BFSP2: variants seen among roughly 807,000 people sequenced by gnomAD.
BFSP2 encodes beaded filament structural protein 2, also known as phakinin.
In BFSP2, 38 loss-of-function variants were observed where a neutral mutation model predicts 44.9. That is an observed-to-expected ratio of 0.85 (90% CI 0.65 to 1.11). The LOEUF (loss-of-function observed/expected upper bound fraction) is 1.11. BFSP2 is among the 50% of genes least tolerant of loss of function. The pLI is 0.00. For missense variants in BFSP2, 525 were observed against 533.0 expected (o/e 0.99, Z 0.15); for synonymous variants, 197 against 209.9 (o/e 0.94, Z 0.53).
At chr3:133,422,010 G>A (rs1178708518) in intron 1 of BFSP2, among the ~76,000 whole-genome samples, 1 of 150,152 alleles carries the variant, frequency 6.7e-6, no homozygotes, top group East Asian at 1.9e-4. Context: ...GGGAGGCTGA[G>A]GCAGGAAAAT....
In BFSP2 at chr3:133,474,999, G is replaced by A; in HGVS notation, c.*27G>A. ...GGAGAAACTTCCTCTTTTTCATGAA[G>A]AAAACACCCTTCCTCAACAGCTGAC... On this transcript the variant is annotated 3_prime_UTR_variant, in exon 7 of 7. Transcript: ENST00000302334. The A allele has an allele frequency of 6.2e-7, 1 of 1,613,806 alleles. No homozygotes were observed. The highest frequency in any genetic ancestry group is 8.5e-7 in the Non-Finnish European group (1 of 1,179,748).
intron 1 of BFSP2, among the ~76,000 whole-genome samples, chr3:133,423,989 C>G (rs2073618045): frequency 6.6e-6 from 1 of 151,838 alleles, no homozygotes; most frequent in South Asian, 2.1e-4. Flanking sequence ...TTCATTTTCC[C>G]CTGAGACTTT....
At chr3:133,463,948 GCAGT>G (rs2074087101) in intron 4 of BFSP2, among the ~76,000 whole-genome samples, 1 of 152,166 alleles carries the variant, frequency 6.6e-6, no homozygotes, top group Non-Finnish European at 1.5e-5. Context: ...GCTGTGTTTA[GCAGT>G]CAACTTACAA....
intron 1 of BFSP2, among the ~76,000 whole-genome samples, chr3:133,442,343 T>G (rs1454082493): frequency 6.6e-6 from 1 of 152,062 alleles, no homozygotes; most frequent in African/African-American, 2.4e-5. Flanking sequence ...TTTGGAGAGA[T>G]AGGGTTTTGC....
chr3:133,440,251 C>T (rs1306969148), intron 1 of BFSP2, among the ~76,000 whole-genome samples: 1 of 151,908 alleles, frequency 6.6e-6, no homozygotes, highest in Non-Finnish European at 1.5e-5. Context: ...CAATTATCTC[C>T]CACCAGGTCC....
At chr3:133,431,641 G>A (rs533171255) in intron 1 of BFSP2, among the ~76,000 whole-genome samples, 2 of 152,092 alleles carry the variant, frequency 1.3e-5, no homozygotes, top group Non-Finnish European at 2.9e-5. Context: ...CATCACGGAC[G>A]CCGAGCTTTA....
At chr3:133,438,419 C>A (rs551501908) in intron 1 of BFSP2, among the ~76,000 whole-genome samples, 286 of 152,302 alleles carry the variant, frequency 1.9e-3, no homozygotes, top group Non-Finnish European at 3.1e-3. Flanking sequence ...CCTTTAATCC[C>A]AGCTACTCAG....
At chr3:133,441,057 T>G (rs2073840202) in intron 1 of BFSP2, among the ~76,000 whole-genome samples, 1 of 150,884 alleles carries the variant, frequency 6.6e-6, no homozygotes, top group African/African-American at 2.5e-5. Flanking sequence ...TTTTTTTTTT[T>G]TGAGGGAGTT....
At chr3:133,474,424 C>G (rs934537929) in intron 6 of BFSP2, among the ~76,000 whole-genome samples, 1 of 152,190 alleles carries the variant, frequency 6.6e-6, no homozygotes, top group South Asian at 2.1e-4. Flanking sequence ...ATTCAGAAGG[C>G]GGGAGAGCCT....
intron 1 of BFSP2, among the ~76,000 whole-genome samples, chr3:133,419,525 A>G (rs1297816909): frequency 6.6e-6 from 1 of 152,194 alleles, no homozygotes; most frequent in African/African-American, 2.4e-5. Context: ...AGATAGAGCT[A>G]TAGTCGACAC....
At chr3:133,424,212 A>ATTTTT (rs112772093) in intron 1 of BFSP2, among the ~76,000 whole-genome samples, 6 of 64,760 alleles carry the variant, frequency 9.3e-5, no homozygotes, top group East Asian at 1.1e-3. Context: ...CGTCCAGCTA[A>ATTTTT]TTTTTTTTTT....
At chr3:133,472,247 C>T in intron 5 of BFSP2, 98 bp from the exon 6 acceptor site, 1 of 1,338,874 alleles carries the variant, frequency 7.5e-7, no homozygotes, top group South Asian at 1.3e-5. Flanking sequence ...GGGGAATAGT[C>T]CAGGCTACCA....
chr3:133,414,317 T>G (rs1253780960), intron 1 of BFSP2, among the ~76,000 whole-genome samples: 15 of 54,860 alleles, frequency 2.7e-4, no homozygotes, highest in African/African-American at 1.2e-3. Context: ...CTCACCCCTC[T>G]ACTCACCCCT....
intron 1 of BFSP2, among the ~76,000 whole-genome samples, chr3:133,415,970 C>T (rs1225568916): frequency 1.4e-5 from 2 of 145,566 alleles, no homozygotes; most frequent in African/African-American, 5.1e-5. Flanking sequence ...CCCCTCTGCT[C>T]ACCCGTCTAC....
At chr3:133,401,706 C>T (rs2073363913) in intron 1 of BFSP2, among the ~76,000 whole-genome samples, 2 of 152,224 alleles carry the variant, frequency 1.3e-5, no homozygotes. Context: ...TGAGCAAAAT[C>T]AGTCTCTAAC....
intron 1 of BFSP2, among the ~76,000 whole-genome samples, chr3:133,423,229 G>A (rs191096804): frequency 2.0e-5 from 3 of 152,052 alleles, no homozygotes; most frequent in African/African-American, 7.2e-5. Flanking sequence ...GTGGCTAATG[G>A]TGCAAGCCGT....
intron 1 of BFSP2, among the ~76,000 whole-genome samples, chr3:133,428,458 C>A (rs1559965392): frequency 7.1e-6 from 1 of 140,256 alleles, no homozygotes. Flanking sequence ...GCACATGGAA[C>A]GTGGGGACAC....
chr3:133,446,411 ACT>A (rs763651438), intron 1 of BFSP2, among the ~76,000 whole-genome samples: 29 of 150,674 alleles, frequency 1.9e-4, no homozygotes, highest in Non-Finnish European at 3.8e-4. Context: ...ACAAAGCAAG[ACT>A]CTGTCTCAAA....
intron 1 of BFSP2, among the ~76,000 whole-genome samples, chr3:133,437,007 G>C (rs1016281009): frequency 1.3e-5 from 2 of 152,176 alleles, no homozygotes; most frequent in Non-Finnish European, 2.9e-5. Flanking sequence ...GTCTATCATT[G>C]TTGGACATTT....
Sources: gnomAD v4.1 joint callset for allele counts (sites outside exome capture counted in the v4.1 genomes callset) on GRCh38, gnomAD v4.1.1 for gene constraint, MANE v1.5 for transcripts, NCBI Gene and HGNC (gene_info 2026-07-23, HGNC 2026-07-21) for gene names.